ADAMTS10: variants seen among roughly 807,000 people sequenced by gnomAD.
The protein encoded by ADAMTS10 is A disintegrin and metalloproteinase with thrombospondin motifs 10.
In ADAMTS10, 48 loss-of-function variants were observed where a neutral mutation model predicts 135.9. The observed-to-expected ratio is 0.35, with a 90% confidence interval of 0.28 to 0.45. ADAMTS10 has a LOEUF of 0.45. ADAMTS10 is among the 20% of genes least tolerant of loss of function. The probability of loss-of-function intolerance (pLI) is 1.00; values close to 1 mark genes in which losing one functional copy is unlikely to be tolerated. For missense variants in ADAMTS10, 1,131 were observed against 1,565.2 expected (o/e 0.72, Z 4.68); for synonymous variants, 621 against 647.5 (o/e 0.96, Z 0.62).
Position 8,597,009 on chromosome 19 carries a change from C to G in ADAMTS10, c.1018G>C (p.Asp340His). Reference sequence around the variant, plus strand: ...CACCGTGTGATGAGCACTGCTGTGTCATGGTTAGCCACACCGTTCTCTGGA... The same window carrying G: ...CACCGTGTGATGAGCACTGCTGTGTGATGGTTAGCCACACCGTTCTCTGGA... ...AIPENGVANHDTAVLITRYDI... is the reference protein window; with the variant it reads ...AIPENGVANHHTAVLITRYDI... The change falls in exon 8 of 26, where the codon GAC becomes CAC. Residue 340 changes from aspartate (D) to histidine (H), a missense_variant. Physicochemically the swap from Asp to His is moderately conservative, Grantham distance 81. Transcript: ENST00000597188. 6.2e-7 allele frequency: 1 copy of G among 1,613,980 alleles called. No homozygotes were observed.
At chr19:8,584,577 T>C (rs1289180194) in intron 25 of ADAMTS10, among the ~76,000 whole-genome samples, 1 of 152,018 alleles carries the variant, frequency 6.6e-6, no homozygotes, top group Admixed American at 6.6e-5. Context: ...GTGCCTGAGG[T>C]TGAAAAACCG....
chr19:8,607,637 C>T (rs980073846), intron 2 of ADAMTS10, among the ~76,000 whole-genome samples: 5 of 152,150 alleles, frequency 3.3e-5, no homozygotes, highest in African/African-American at 1.2e-4. Context: ...GGCAGTTCAG[C>T]CCCAAGGGAG....
intron 25 of ADAMTS10, chr19:8,581,245 G>A (rs950101704): frequency 6.4e-6 from 2 of 311,008 alleles, no homozygotes; most frequent in South Asian, 8.9e-5. Context: ...CTAAGTAGTT[G>A]GGACTACAGG....
intron 6 of ADAMTS10, among the ~76,000 whole-genome samples, chr19:8,598,801 C>T (rs2042633038): frequency 6.6e-6 from 1 of 151,838 alleles, no homozygotes; most frequent in Non-Finnish European, 1.5e-5. Flanking sequence ...TTTCGAACTC[C>T]CGACCTCAGG....
rs959981375 is a variant in ADAMTS10 at position 8,582,932 on chromosome 19, G to A, written c.3203-1930C>T. ...CCCATTGTGTTGGGATTACAGGCGT[G>A]AGCCACCACGCCCAGCCTAATTTTA... On this transcript the variant is annotated intron_variant, in intron 25 of 25. Transcript: ENST00000597188. Among the ~76,000 whole-genome samples, 123 of 152,124 alleles carry A rather than the reference G, an allele frequency of 8.1e-4. 1 individual carries two copies. Among genetic ancestry groups the A allele is most frequent in the Non-Finnish European group, 1.8e-4 (12 of 68,026 alleles).
At chr19:8,593,145 G>C in intron 12 of ADAMTS10, 1 of 528,592 alleles carries the variant, frequency 1.9e-6, no homozygotes, top group Non-Finnish European at 3.4e-6. Flanking sequence ...AGAAAACCAA[G>C]CTTCAGACAG....
chr19:8,602,017 G>T (rs2042674077), intron 5 of ADAMTS10, among the ~76,000 whole-genome samples: 1 of 152,204 alleles, frequency 6.6e-6, no homozygotes. Flanking sequence ...AGCCTGTTTT[G>T]CAATTTGAAC....
chr19:8,585,517 A>G lies in ADAMTS10; in HGVS notation c.2804T>C (p.Val935Ala). Reference protein sequence around the residue: ...DSACPQPRPPVLEACHGPTCP... With the variant: ...DSACPQPRPPALEACHGPTCP... ...AGTGGGGCCGTGGCAGGCCTCCAGT[A>G]CAGGTGGGCGCGGCTGCGGGCATGC... The change falls in exon 23 of 26, where the codon GTA becomes GCA. Residue 935 changes from valine (V) to alanine (A), a missense_variant. Transcript: ENST00000597188. The G allele has an allele frequency of 6.4e-7, 1 of 1,554,234 alleles. No individual in the cohort carries two copies. The highest frequency in any genetic ancestry group is 1.7e-4 in the Middle Eastern group (1 of 5,790).
chr19:8,602,229 G>A (rs2042676146), intron 5 of ADAMTS10, among the ~76,000 whole-genome samples: 1 of 152,184 alleles, frequency 6.6e-6, no homozygotes, highest in Non-Finnish European at 1.5e-5. Flanking sequence ...GCTGACTGTG[G>A]CTGTATGTCT....
chr19:8,601,057 G>A lies in ADAMTS10; in HGVS notation c.681C>T (p.Gly227=). ...TGACCGATCGCTTCAGGCCTGGCTG[G>A]CCACGCTCTGTTTCATTCCCCAGGG... ...ARPLGNETER[G]QPGLKRSVSR... The change falls in exon 6 of 26, where the codon GGC becomes GGT. Residue 227 remains glycine (G), a synonymous_variant. Coordinates refer to ENST00000597188, the MANE Select transcript of ADAMTS10 (RefSeq NM_030957.4). The surrounding 1 kb of genome is among the most constrained non-coding windows in gnomAD (Gnocchi z 4.6). 2 of 1,614,118 alleles carry A rather than the reference G, an allele frequency of 1.2e-6. No homozygotes were observed.
chr19:8,595,684 T>G, intron 12 of ADAMTS10, 78 bp downstream of exon 12: 30 of 1,373,724 alleles, frequency 2.2e-5, no homozygotes, highest in Middle Eastern at 2.5e-4. Context: ...CCCAGGTGGG[T>G]GCCCTGGTGG....
At position 8,586,326 on chromosome 19, in the gene ADAMTS10, C is replaced by G; in HGVS notation, c.2530+18G>C. ...CTCAGCCCAGGTATCTTGTGCCTTC[C>G]CCCACCCCCGGCCTCACCGCCTGCA... On this transcript the variant is annotated intron_variant, in intron 21 of 25. Transcript: ENST00000597188. 1 of 1,613,490 alleles carries G rather than the reference C, an allele frequency of 6.2e-7. No homozygotes were observed. Among genetic ancestry groups the G allele is most frequent in the South Asian group, 1.1e-5 (1 of 91,032 alleles).
chr19:8,605,085 T>C lies in ADAMTS10; in HGVS notation c.362A>G (p.His121Arg). ...CTGCAGGTGACCAGCGTAGAGGCAGTGGGGCCGGGCCGCCCTCTGCCAGGC... is the reference window on the plus strand; with the variant it reads ...CTGCAGGTGACCAGCGTAGAGGCAGCGGGGCCGGGCCGCCCTCTGCCAGGC... The part of the protein sequence containing the change: ...GLAWQRAARP[H>R]CLYAGHLQGQ... Residue 121 changes from histidine to arginine, a missense_variant, in exon 4 of 26, where the codon CAC becomes CGC. Coordinates refer to ENST00000597188, the MANE Select transcript of ADAMTS10 (RefSeq NM_030957.4). This position sits in a 1 kb window ranked among gnomAD's most constrained non-coding sequence, Gnocchi z 7.7. 1 of 1,612,544 alleles carries C rather than the reference T, an allele frequency of 6.2e-7. No individual in the cohort carries two copies. The highest frequency in any genetic ancestry group is 8.5e-7 in the Non-Finnish European group (1 of 1,179,676).
Position 8,596,272 on chromosome 19 carries a change from TC to T in ADAMTS10, c.1190+34del. ...GGCGCTGAGGGACCCGCCCAGCTCC[TC>T]CCCTCCTCCCCCTCTTGTGTGCCCT... On this transcript the variant is annotated intron_variant, in intron 10 of 25. Coordinates refer to ENST00000597188, the MANE Select transcript of ADAMTS10 (RefSeq NM_030957.4). This position sits in a 1 kb window ranked among gnomAD's most constrained non-coding sequence, Gnocchi z 7.2. 1 of 1,612,578 alleles carries T rather than the reference TC, an allele frequency of 6.2e-7. No homozygotes were observed.
rs1472230413 is a variant in ADAMTS10, at chr19:8,585,802, C to G, written c.2661-142G>C. The G allele has an allele frequency of 1.4e-5, 13 of 912,992 alleles. No homozygotes were observed. The African/African-American group carries it at 2.0e-4, about 14-fold the overall frequency. 56.6% of individuals were successfully genotyped at this position (912,992 alleles called of 1,614,324 possible). On this transcript the variant is annotated intron_variant, in intron 22 of 25. Coordinates refer to ENST00000597188, the MANE Select transcript of ADAMTS10 (RefSeq NM_030957.4). ...GCACCAGGCACCTCCACATTCCACACTTGGGGCATCGTTAGCCTGCACCCA... is the reference window on the plus strand; with the variant it reads ...GCACCAGGCACCTCCACATTCCACAGTTGGGGCATCGTTAGCCTGCACCCA...
At position 8,601,385 on chromosome 19, in the gene ADAMTS10, G is replaced by A. The variant is rs138886205; in HGVS notation, c.593-240C>T. Among the ~76,000 whole-genome samples the A allele has an allele frequency of 1.2e-3, 171 of 147,418 alleles. No individual in the cohort carries two copies. The Middle Eastern group carries it at 0.014, about 12-fold the overall frequency. On this transcript the variant is annotated intron_variant, in intron 5 of 25. Coordinates refer to ENST00000597188, the MANE Select transcript of ADAMTS10 (RefSeq NM_030957.4). This position sits in a 1 kb window ranked among gnomAD's most constrained non-coding sequence, Gnocchi z 4.6. ...TTCTTTTTTTTTTTTTTTTTGAGAC[G>A]GAGTATCATTCTGTCACCCAGGCTG...
At position 8,586,194 on chromosome 19, in the gene ADAMTS10, G is replaced by C; in HGVS notation, c.2588C>G (p.Pro863Arg). 1 of 1,613,054 alleles carries C rather than the reference G, an allele frequency of 6.2e-7. No individual in the cohort carries two copies. Among genetic ancestry groups the C allele is most frequent in the Non-Finnish European group, 8.5e-7 (1 of 1,179,972 alleles). ...RNQLDSSAVA[P>R]HYCSAHSKLP... ...CTTGCTGTGGGCACTGCAGTAGTGG[G>C]GGGCGACCGCGGAGCTGTCCAGCTG... is the stretch of plus-strand genomic sequence containing the variant. Residue 863 changes from proline to arginine, a missense_variant, in exon 22 of 26, where the codon CCC becomes CGC. By Grantham distance (103) the Pro-to-Arg change is moderately radical. This residue lies in a region of ADAMTS10 where 745 missense variants were observed against 1,056.3 expected (regional missense o/e 0.71). Transcript: ENST00000597188.
intron 25 of ADAMTS10, among the ~76,000 whole-genome samples, 178 bp downstream of exon 25, chr19:8,584,717 A>G (rs782183081): frequency 6.6e-6 from 1 of 152,198 alleles, no homozygotes; most frequent in Non-Finnish European, 1.5e-5. Context: ...CACTCAGCAT[A>G]CAGTGGCACT....
At chr19:8,594,520 G>A (rs1331070397) in intron 12 of ADAMTS10, among the ~76,000 whole-genome samples, 2 of 152,184 alleles carry the variant, frequency 1.3e-5, no homozygotes, top group Non-Finnish European at 2.9e-5. Flanking sequence ...CATATAGCCA[G>A]TGCCAGCCCA....
Sources: gnomAD v4.1 joint callset for allele counts (sites outside exome capture counted in the v4.1 genomes callset) on GRCh38, gnomAD v4.1.1 for gene constraint, gnomAD v4.1.1 regional missense constraint, Gnocchi (gnomAD v3.1) non-coding constraint, MANE v1.5 for transcripts, NCBI Gene and HGNC (gene_info 2026-07-23, HGNC 2026-07-21) for gene names.